Variants in LMX1A observed in about 807,000 individuals in gnomAD.
LMX1A encodes the protein LIM homeobox transcription factor 1 alpha.
LMX1A carries 15 observed loss-of-function variants against 49.1 expected under a neutral mutation model. That is an observed-to-expected ratio of 0.31 (90% CI 0.20 to 0.47). LMX1A has a LOEUF of 0.47. Ranked by LOEUF, LMX1A falls within the 20% of genes least tolerant of loss-of-function variation. LMX1A has a pLI of 1.00. For synonymous variants in LMX1A, 167 were observed against 185.7 expected, an observed-to-expected ratio of 0.90 and a Z score of 0.82; for missense variants, 372 against 475.8, an observed-to-expected ratio of 0.78 and a Z score of 2.03.
rs544096120 is a variant in LMX1A at position 165,264,613 on chromosome 1, C to T, written c.264-14973G>A. ...TTTGAGGGATGTCTGCATTTTGCTG[C>T]GGCAGTGCACTCTCAGATCTTATAA... On this transcript the variant is annotated intron_variant, in intron 3 of 8. Transcript: ENST00000342310. Among the ~76,000 whole-genome samples, 18 of 152,162 alleles carry T rather than the reference C, an allele frequency of 1.2e-4. No individual in the cohort carries two copies. In the East Asian group the frequency reaches 1.4e-3, roughly 11 times the overall value.
intron 4 of LMX1A, among the ~76,000 whole-genome samples, chr1:165,232,501 A>G (rs1193131514): frequency 6.6e-6 from 1 of 152,122 alleles, no homozygotes; most frequent in Non-Finnish European, 1.5e-5. Context: ...GAAGGTGAAC[A>G]TTTCCATATT....
intron 2 of LMX1A, among the ~76,000 whole-genome samples, chr1:165,353,615 A>G (rs927933006): frequency 2.0e-5 from 3 of 152,222 alleles, no homozygotes; most frequent in African/African-American, 7.2e-5. Flanking sequence ...GTCGTAATTA[A>G]TTATTAAATC....
intron 3 of LMX1A, among the ~76,000 whole-genome samples, chr1:165,314,687 A>G (rs1280049930): frequency 2.6e-5 from 4 of 152,022 alleles, no homozygotes; most frequent in Non-Finnish European, 5.9e-5. Flanking sequence ...GAACGAAGAG[A>G]GAACACAGAT....
intron 3 of LMX1A, among the ~76,000 whole-genome samples, chr1:165,330,209 C>T (rs1454604137): frequency 6.6e-6 from 1 of 152,222 alleles, no homozygotes; most frequent in Non-Finnish European, 1.5e-5. Context: ...CACGGTGGCT[C>T]ATGCCTGTAA....
intron 3 of LMX1A, among the ~76,000 whole-genome samples, chr1:165,265,159 G>A (rs1330526929): frequency 6.7e-6 from 1 of 150,348 alleles, no homozygotes; most frequent in Admixed American, 6.6e-5. Flanking sequence ...AGCCGAGATC[G>A]TGCCATTGCA....
intron 3 of LMX1A, among the ~76,000 whole-genome samples, chr1:165,314,863 T>G (rs1283358884): frequency 6.6e-6 from 1 of 152,202 alleles, no homozygotes; most frequent in East Asian, 1.9e-4. Context: ...TAGCAGATAG[T>G]GGCGGATGGC....
In LMX1A at chr1:165,259,374, A is replaced by G. The variant is rs12044879; in HGVS notation, c.264-9734T>C. Among the ~76,000 whole-genome samples the G allele has an allele frequency of 3.2e-4, 48 of 152,350 alleles. 1 individual carries two copies. In the East Asian group the frequency reaches 9.2e-3, roughly 29 times the overall value. On this transcript the variant is annotated intron_variant, in intron 3 of 8. Transcript: ENST00000342310. ...ACAAATTCATTGCCTAACACCCAGCATATGTTCAGGAAGTTGTCAGCTCCA... is the reference window on the plus strand; with the variant it reads ...ACAAATTCATTGCCTAACACCCAGCGTATGTTCAGGAAGTTGTCAGCTCCA...
chr1:165,239,764 C>T (rs909498006), intron 4 of LMX1A, among the ~76,000 whole-genome samples: 5 of 152,132 alleles, frequency 3.3e-5, no homozygotes, highest in African/African-American at 9.7e-5. Flanking sequence ...CTTGATGTCT[C>T]CTTAATAAGA....
chr1:165,217,289 G>A (rs1311425638), intron 4 of LMX1A, among the ~76,000 whole-genome samples: 1 of 152,160 alleles, frequency 6.6e-6, no homozygotes, highest in Non-Finnish European at 1.5e-5. Flanking sequence ...ATGGCTAAGG[G>A]CCTTCTGGGG....
chr1:165,245,619 C>T (rs1652824686), intron 4 of LMX1A, among the ~76,000 whole-genome samples: 1 of 118,456 alleles, frequency 8.4e-6, no homozygotes, highest in South Asian at 3.5e-4. Context: ...TCTAAATGTG[C>T]TCTGACCAGG....
chr1:165,319,025 ACACACACACACACACACC>A (rs1261977458), intron 3 of LMX1A, among the ~76,000 whole-genome samples: 1 of 138,500 alleles, frequency 7.2e-6, no homozygotes, highest in Non-Finnish European at 1.6e-5. Flanking sequence ...ACACACACAC[ACACACACACACACACACC>A]CCAACTTCTT....
intron 3 of LMX1A, among the ~76,000 whole-genome samples, chr1:165,271,023 G>T (rs1436328123): frequency 6.6e-6 from 1 of 152,152 alleles, no homozygotes; most frequent in Non-Finnish European, 1.5e-5. Context: ...CCTGCAAAGA[G>T]AACCCTGATT....
rs56236301 is a variant in LMX1A, at chr1:165,343,395, AAATAATAATAATAATAATAAT to A, written c.263+9660_263+9680del. ...TATGTATAAGCTTTTACTCATATAT[AAATAATAATAATAATAATAAT>A]AATAATAATAATAATAACACCCAAT... is the stretch of plus-strand genomic sequence containing the variant. On this transcript the variant is annotated intron_variant, in intron 3 of 8. Coordinates refer to ENST00000342310, the MANE Select transcript of LMX1A (RefSeq NM_177398.4). 2.0e-4 allele frequency among the ~76,000 whole-genome samples: 30 copies of A among 149,274 alleles called. No homozygotes were observed. In the South Asian group the frequency reaches 2.6e-3, roughly 13 times the overall value.
intron 3 of LMX1A, among the ~76,000 whole-genome samples, chr1:165,335,024 C>G (rs1166270731): frequency 1.3e-5 from 2 of 152,192 alleles, no homozygotes; most frequent in Non-Finnish European, 2.9e-5. Context: ...TGAAACACCA[C>G]CCCTTTGTTA....
intron 3 of LMX1A, among the ~76,000 whole-genome samples, chr1:165,284,224 G>A (rs541205359): frequency 3.3e-5 from 5 of 152,344 alleles, no homozygotes; most frequent in African/African-American, 9.6e-5. Context: ...TGAGGAACAA[G>A]TAAGTATATG....
intron 4 of LMX1A, among the ~76,000 whole-genome samples, chr1:165,247,054 C>CATTTTTTTTTTTTTTTTTT (rs1652875150): frequency 1.9e-5 from 1 of 53,228 alleles, no homozygotes; most frequent in Admixed American, 3.3e-4. Flanking sequence ...TCAGCTTTTT[C>CATTTTTTTTTTTTTTTTTT]TTTTTTTTTT....
At chr1:165,237,675 A>G (rs889739254) in intron 4 of LMX1A, among the ~76,000 whole-genome samples, 1 of 152,184 alleles carries the variant, frequency 6.6e-6, no homozygotes, top group African/African-American at 2.4e-5. Flanking sequence ...AAAATTACCC[A>G]GTTTCGAATA....
At chr1:165,310,529 C>A (rs1305749567) in intron 3 of LMX1A, among the ~76,000 whole-genome samples, 2 of 152,218 alleles carry the variant, frequency 1.3e-5, no homozygotes, top group Admixed American at 6.5e-5. Flanking sequence ...CATCATTATA[C>A]CCCCTGACGA....
chr1:165,259,891 C>T (rs565865462), intron 3 of LMX1A, among the ~76,000 whole-genome samples: 42 of 152,310 alleles, frequency 2.8e-4, no homozygotes, highest in African/African-American at 1.0e-3. Flanking sequence ...GTCTCTCCTA[C>T]TTGGAAGCTT....
Sources: gnomAD v4.1 joint callset for allele counts (sites outside exome capture counted in the v4.1 genomes callset) on GRCh38, gnomAD v4.1.1 for gene constraint, MANE v1.5 for transcripts, NCBI Gene and HGNC (gene_info 2026-07-23, HGNC 2026-07-21) for gene names.